Variants in NDUFA8 observed in about 807,000 individuals in gnomAD.
The protein encoded by NDUFA8 is NADH dehydrogenase [ubiquinone] 1 alpha subcomplex subunit 8.
A neutral mutation model predicts 20.9 loss-of-function variants in NDUFA8; 16 were observed. The observed-to-expected ratio is 0.77, with a 90% CI of 0.52 to 1.16. The LOEUF (loss-of-function observed/expected upper bound fraction) is 1.16. NDUFA8 is among the 50% of genes most tolerant of loss of function. NDUFA8 has a pLI of 0.00. For synonymous variants in NDUFA8, 70 were observed against 76.1 expected, an observed-to-expected ratio of 0.92 and a Z score of 0.41; for missense variants, 202 against 216.4, an observed-to-expected ratio of 0.93 and a Z score of 0.42.
chr9:122,133,563 G>C, the NDUFA8 span, among the ~76,000 whole-genome samples: 2 of 152,224 alleles, frequency 1.3e-5, no homozygotes, highest in Non-Finnish European at 2.9e-5. Flanking sequence ...TCAGAAACAG[G>C]GGAATCAGTG....
chr9:122,156,718 T>C (rs1829081008), intron 1 of NDUFA8, among the ~76,000 whole-genome samples: 1 of 152,242 alleles, frequency 6.6e-6, no homozygotes, highest in Non-Finnish European at 1.5e-5. Flanking sequence ...ATTGCCACGC[T>C]GCAAATCTGA....
downstream of NDUFA8, among the ~76,000 whole-genome samples, chr9:122,139,990 G>A (rs548106879): frequency 2.9e-4 from 44 of 152,312 alleles, no homozygotes; most frequent in South Asian, 5.2e-3. Flanking sequence ...ACCGCGCCCG[G>A]CCCCAGACCA....
intron 2 of NDUFA8, among the ~76,000 whole-genome samples, chr9:122,148,904 A>G (rs1451044275): frequency 1.3e-5 from 2 of 152,246 alleles, no homozygotes; most frequent in Admixed American, 6.5e-5. Flanking sequence ...AGGGTAGCAT[A>G]TAATTCATTC....
chr9:122,140,738 G>A (rs7039951), downstream of NDUFA8, among the ~76,000 whole-genome samples: 1 of 152,132 alleles, frequency 6.6e-6, no homozygotes, highest in Non-Finnish European at 1.5e-5. Context: ...CCTCTACTAT[G>A]CATTTTGTGT....
intron 2 of NDUFA8, 68 bp downstream of exon 2, chr9:122,152,177 G>T: frequency 6.5e-7 from 1 of 1,545,668 alleles, no homozygotes; most frequent in South Asian, 1.1e-5. Flanking sequence ...ATTATTAGCT[G>T]GCTGTTCACT....
At chr9:122,138,971 C>T in the NDUFA8 span, among the ~76,000 whole-genome samples, 1 of 151,476 alleles carries the variant, frequency 6.6e-6, no homozygotes, top group Non-Finnish European at 1.5e-5. Flanking sequence ...GAAGCTGGAG[C>T]GCTCTGAGTC....
chr9:122,152,123 C>T (rs1588293806), intron 2 of NDUFA8, 122 bp downstream of exon 2: 1 of 1,118,430 alleles, frequency 8.9e-7, no homozygotes, highest in South Asian at 1.3e-5. Flanking sequence ...AATGTTTTAC[C>T]TTGGTCTGAT....
rs573326514 is a variant in NDUFA8 at position 122,155,155 on chromosome 9, C to T, written c.52-2747G>A. 4.3e-4 allele frequency among the ~76,000 whole-genome samples: 66 copies of T among 152,258 alleles called. 1 individual carries two copies. The South Asian group carries it at 0.012, about 29-fold the overall frequency. The stretch of plus-strand genomic sequence containing the variant: ...GGGCAGTGGCGCAATCTCGGCTCAC[C>T]GCAACCTCTGCCTCCCAGGTTCAAG... On this transcript the variant is annotated intron_variant, in intron 1 of 3. Coordinates refer to ENST00000373768, the MANE Select transcript of NDUFA8 (RefSeq NM_014222.3).
At chr9:122,145,798 T>A (rs950442207) in intron 3 of NDUFA8, among the ~76,000 whole-genome samples, 3 of 152,226 alleles carry the variant, frequency 2.0e-5, no homozygotes, top group Non-Finnish European at 4.4e-5. Flanking sequence ...TACAGATGGT[T>A]CCTAATGATC....
chr9:122,136,046 A>C, the NDUFA8 span, among the ~76,000 whole-genome samples: 36 of 152,208 alleles, frequency 2.4e-4, 1 homozygote, highest in Non-Finnish European at 4.3e-4. Flanking sequence ...GAAATTTCCC[A>C]TGTCAATAGA....
At chr9:122,142,605 T>C (rs1415052240), downstream of NDUFA8, among the ~76,000 whole-genome samples, 1 of 152,212 alleles carries the variant, frequency 6.6e-6, no homozygotes, top group African/African-American at 2.4e-5. Flanking sequence ...TTCTTATATA[T>C]GAGACTGGGG....
intron 1 of NDUFA8, 121 bp from the exon 2 acceptor site, chr9:122,152,529 G>A: frequency 1.3e-5 from 11 of 844,304 alleles, no homozygotes; most frequent in African/African-American, 3.5e-5. Context: ...ACTTTACCAA[G>A]AAAATTAAAC....
At position 122,152,236 on chromosome 9, in the gene NDUFA8, GA is replaced by G. The variant is rs749398647; in HGVS notation, c.215+8del. The G allele has an allele frequency of 1.1e-5, 18 of 1,614,028 alleles. No homozygotes were observed. The highest frequency in any genetic ancestry group is 1.4e-5 in the Non-Finnish European group (16 of 1,180,020). On this transcript the variant is annotated splice_region_variant and intron_variant, in intron 2 of 3. Coordinates refer to ENST00000373768, the MANE Select transcript of NDUFA8 (RefSeq NM_014222.3). ...CAACCAAGTAGGCACTGATACCAAA[GA>G]TTTTTACCTAAAGAAGTCCAAAGCA... is the stretch of plus-strand genomic sequence containing the variant.
the NDUFA8 span, among the ~76,000 whole-genome samples, chr9:122,136,559 A>AT: frequency 0.071 from 10,425 of 146,640 alleles, 460 homozygotes; most frequent in African/African-American, 0.12. Context: ...GCGTTCGTAG[A>AT]TTTTTTTTTT....
Position 122,159,714 on chromosome 9 carries a change from G to A in NDUFA8, c.-37C>T, listed in dbSNP as rs934014620. 2.5e-6 allele frequency: 4 copies of A among 1,613,862 alleles called. No homozygotes were observed. The highest frequency in any genetic ancestry group is 1.3e-5 in the African/African-American group (1 of 75,052). On this transcript the variant is annotated 5_prime_UTR_variant, in exon 1 of 4. Transcript: ENST00000373768. ...CCCCGACCCCGACGAGAAGCCCTCA[G>A]CCGCGTCGCCCCCGTCTCCTTGAAC...
intron 3 of NDUFA8, 109 bp downstream of exon 3, chr9:122,148,003 G>A (rs1045689358): frequency 1.5e-6 from 2 of 1,291,242 alleles, no homozygotes; most frequent in African/African-American, 1.5e-5. Flanking sequence ...GGTAAATCTG[G>A]TAAGTTCTTA....
intron 1 of NDUFA8, among the ~76,000 whole-genome samples, chr9:122,159,195 C>A (rs1424651739): frequency 6.6e-6 from 1 of 152,128 alleles, no homozygotes; most frequent in Non-Finnish European, 1.5e-5. Flanking sequence ...GGCTTCGTCA[C>A]CCCACTCTAT....
downstream of NDUFA8, among the ~76,000 whole-genome samples, chr9:122,142,806 T>C (rs1828841990): frequency 6.6e-6 from 1 of 152,150 alleles, no homozygotes; most frequent in African/African-American, 2.4e-5. Context: ...AACATGTGGG[T>C]TGAAGTATCA....
intron 1 of NDUFA8, 83 bp downstream of exon 1, chr9:122,159,544 C>T: frequency 6.4e-7 from 1 of 1,555,034 alleles, no homozygotes; most frequent in Non-Finnish European, 8.9e-7. Context: ...GTCCCAGGAT[C>T]CGCGGAGCCC....
Sources: gnomAD v4.1 joint callset for allele counts (sites outside exome capture counted in the v4.1 genomes callset) on GRCh38, gnomAD v4.1.1 for gene constraint, MANE v1.5 for transcripts, NCBI Gene and HGNC (gene_info 2026-07-23, HGNC 2026-07-21) for gene names.